MED12L: variants seen among roughly 807,000 people sequenced by gnomAD.
MED12L encodes the protein mediator complex subunit 12L.
MED12L carries 60 observed loss-of-function variants against 281.3 expected under a neutral mutation model. The observed-to-expected ratio is 0.21, with a 90% CI of 0.17 to 0.26. The LOEUF is 0.26. Ranked by LOEUF, MED12L falls within the 10% of genes least tolerant of loss-of-function variation. The pLI is 1.00. For synonymous variants in MED12L, 974 were observed against 987.2 expected (o/e 0.99, Z 0.25); for missense variants, 2,146 against 2,680.9 (o/e 0.80, Z 4.41).
chr3:151,362,060 C>T (rs540398012), intron 21 of MED12L, among the ~76,000 whole-genome samples: 15 of 151,772 alleles, frequency 9.9e-5, no homozygotes, highest in Admixed American at 2.0e-4. Flanking sequence ...TGTCATACCT[C>T]GTATCCAGTT....
At chr3:151,225,782 G>A (rs1730368783) in intron 16 of MED12L, among the ~76,000 whole-genome samples, 1 of 152,148 alleles carries the variant, frequency 6.6e-6, no homozygotes, top group African/African-American at 2.4e-5. Flanking sequence ...AGCATTTGAT[G>A]TTTGACACTC....
At chr3:151,323,638 C>T (rs747487791) in intron 16 of MED12L, among the ~76,000 whole-genome samples, 9 of 152,180 alleles carry the variant, frequency 5.9e-5, no homozygotes, top group Non-Finnish European at 1.3e-4. Flanking sequence ...AACCCTTCTT[C>T]ATTTTCTCCA....
intron 2 of MED12L, among the ~76,000 whole-genome samples, chr3:151,093,912 T>G (rs1157516023): frequency 6.6e-6 from 1 of 152,166 alleles, no homozygotes; most frequent in Non-Finnish European, 1.5e-5. Flanking sequence ...GTCAGATATT[T>G]CCCTTGGACT....
intron 11 of MED12L, among the ~76,000 whole-genome samples, chr3:151,174,885 T>C (rs1280068893): frequency 1.3e-5 from 2 of 149,664 alleles, no homozygotes; most frequent in Non-Finnish European, 2.9e-5. Flanking sequence ...AAAGATAAGG[T>C]CTCACTATAT....
intron 16 of MED12L, among the ~76,000 whole-genome samples, chr3:151,280,291 C>T (rs1174079451): frequency 6.6e-6 from 1 of 152,154 alleles, no homozygotes; most frequent in Admixed American, 6.5e-5. Context: ...TTGGGATGGG[C>T]CAGTGTCTTC....
chr3:151,419,624 C>T (rs1395528940), intron 43 of MED12L, among the ~76,000 whole-genome samples: 1 of 152,152 alleles, frequency 6.6e-6, no homozygotes, highest in Admixed American at 6.5e-5. Context: ...TCAGTATTAA[C>T]CATCACAAGT....
chr3:151,332,737 GAT>G (rs1560039315), intron 16 of MED12L, among the ~76,000 whole-genome samples: 1 of 134,720 alleles, frequency 7.4e-6, no homozygotes, highest in African/African-American at 2.7e-5. Flanking sequence ...AGACTGACGT[GAT>G]TTTTTTTTTA....
chr3:151,098,792 A>G (rs1721048055), intron 2 of MED12L, among the ~76,000 whole-genome samples: 1 of 152,148 alleles, frequency 6.6e-6, no homozygotes, highest in Non-Finnish European at 1.5e-5. Context: ...GGGATTGGGA[A>G]GCTCAGGAAG....
Position 151,385,047 on chromosome 3 carries a change from G to A in MED12L, c.4944G>A (p.Lys1648=), listed in dbSNP as rs1238961408. 7.7e-6 allele frequency: 12 copies of A among 1,559,050 alleles called. No individual in the cohort carries two copies. Among genetic ancestry groups the A allele is most frequent in the African/African-American group, 2.7e-5 (2 of 73,658 alleles). The change falls in exon 36 of 45, where the codon AAG becomes AAA. Residue 1648 remains lysine, a synonymous_variant. Transcript: ENST00000687756. ...VKKLKKELGD[K]RSESIDKVRQ... ...TTCTTTAGAAAGAGCTAGGAGACAA[G>A]CGATCAGAAAGTATTGACAAAGTTC... is the stretch of plus-strand genomic sequence containing the variant.
chr3:151,362,990 T>A (rs1283905374), intron 21 of MED12L, among the ~76,000 whole-genome samples: 2 of 152,286 alleles, frequency 1.3e-5, no homozygotes, highest in East Asian at 3.9e-4. Flanking sequence ...GCCGTTTTTT[T>A]AATAGTGAAC....
intron 28 of MED12L, 33 bp from the exon 29 acceptor site, chr3:151,376,767 C>T (rs1272383949): frequency 1.2e-5 from 19 of 1,535,044 alleles, no homozygotes; most frequent in Non-Finnish European, 1.6e-5. Context: ...CATTTGATAC[C>T]CATAATGTTT....
At chr3:151,370,544 G>A (rs1360666661) in intron 26 of MED12L, among the ~76,000 whole-genome samples, 1 of 152,176 alleles carries the variant, frequency 6.6e-6, no homozygotes, top group African/African-American at 2.4e-5. Context: ...GGGAGGTAGA[G>A]CCACGTCAAG....
intron 11 of MED12L, among the ~76,000 whole-genome samples, chr3:151,180,548 G>A (rs1210894197): frequency 6.6e-6 from 1 of 152,200 alleles, no homozygotes; most frequent in Non-Finnish European, 1.5e-5. Context: ...GAAGTGAATT[G>A]ACTTCCTCTT....
At chr3:151,283,175 G>A (rs915695223) in intron 16 of MED12L, among the ~76,000 whole-genome samples, 1 of 152,198 alleles carries the variant, frequency 6.6e-6, no homozygotes, top group African/African-American at 2.4e-5. Flanking sequence ...GGTGCAATTT[G>A]TACATGTATT....
intron 16 of MED12L, among the ~76,000 whole-genome samples, chr3:151,347,009 T>G (rs971331233): frequency 6.6e-6 from 1 of 152,208 alleles, no homozygotes; most frequent in Non-Finnish European, 1.5e-5. Context: ...TAATTTTAAC[T>G]AGTGGATACA....
chr3:151,303,043 A>G (rs1370378750), intron 16 of MED12L, among the ~76,000 whole-genome samples: 1 of 152,166 alleles, frequency 6.6e-6, no homozygotes, highest in Non-Finnish European at 1.5e-5. Context: ...AAAGGAGCAC[A>G]TGGAAATGCT....
chr3:151,352,640 C>G (rs1055979083), intron 17 of MED12L, among the ~76,000 whole-genome samples: 1 of 70,030 alleles, frequency 1.4e-5, no homozygotes, highest in Non-Finnish European at 2.6e-5. Flanking sequence ...TTTGAGGAAC[C>G]AACTCATTTA....
intron 8 of MED12L, among the ~76,000 whole-genome samples, chr3:151,160,895 G>A (rs1719894913): frequency 6.6e-6 from 1 of 152,348 alleles, no homozygotes; most frequent in Admixed American, 6.5e-5. Flanking sequence ...TTCTTCGAAT[G>A]AGTTGAGAAA....
Position 151,389,995 on chromosome 3 carries a change from A to C in MED12L, c.5468A>C (p.Asn1823Thr). ...ATGTTGAAGGAATATCCACAGAGCA[A>C]CATATACCGAGTGCCTCCTAATTAC... ...SSRVDEYPQS[N>T]IYRVPPNYSP... Residue 1823 changes from asparagine to threonine, a missense_variant, in exon 38 of 45, where the codon AAC (asparagine) becomes ACC (threonine). Physicochemically the swap from Asn to Thr is moderately conservative, Grantham distance 65. Around this residue, in one of 9 missense-constraint regions of MED12L, gnomAD observed 496 missense variants for 512.0 expected, o/e 0.97. Transcript: ENST00000687756. The C allele has an allele frequency of 1.2e-6, 2 of 1,614,144 alleles. No individual in the cohort carries two copies. Among genetic ancestry groups the C allele is most frequent in the Non-Finnish European group, 1.7e-6 (2 of 1,179,954 alleles).
Sources: gnomAD v4.1 joint callset for allele counts (sites outside exome capture counted in the v4.1 genomes callset) on GRCh38, gnomAD v4.1.1 for gene constraint, gnomAD v4.1.1 regional missense constraint, MANE v1.5 for transcripts, NCBI Gene and HGNC (gene_info 2026-07-23, HGNC 2026-07-21) for gene names.